Variants in PRKD1 observed in about 807,000 individuals in gnomAD.
The protein encoded by PRKD1 is protein kinase D1, also known as serine/threonine-protein kinase D1.
Under a neutral mutation model 95.9 loss-of-function variants are expected in PRKD1, and 63 were observed. That is an observed-to-expected ratio of 0.66 (90% confidence interval 0.54 to 0.81). The LOEUF is 0.81. PRKD1 is among the 30% of genes least tolerant of loss of function. The pLI is 0.00. For missense variants in PRKD1, 1,048 were observed against 1,165.3 expected, an observed-to-expected ratio of 0.90 and a Z score of 1.47; for synonymous variants, 425 against 423.1, an observed-to-expected ratio of 1.00 and a Z score of -0.05.
chr14:29,840,885 G>A (rs138254647), intron 1 of PRKD1, among the ~76,000 whole-genome samples: 1,887 of 152,310 alleles, frequency 0.012, 43 homozygotes, highest in African/African-American at 0.043. Flanking sequence ...CAACACGTGG[G>A]AATTCAAGAT....
intron 1 of PRKD1, among the ~76,000 whole-genome samples, chr14:29,776,810 CTCG>C (rs1888782092): frequency 6.6e-6 from 1 of 152,072 alleles, no homozygotes; most frequent in Non-Finnish European, 1.5e-5. Context: ...AAAGACAATC[CTCG>C]AGAAGAGCAA....
At chr14:29,706,145 T>C (rs1341840555) in intron 2 of PRKD1, among the ~76,000 whole-genome samples, 1 of 152,132 alleles carries the variant, frequency 6.6e-6, no homozygotes, top group African/African-American at 2.4e-5. Flanking sequence ...TCCTACTGGA[T>C]GTTAAATAGT....
chr14:29,699,407 AT>A (rs1324791213), intron 2 of PRKD1, among the ~76,000 whole-genome samples: 2 of 151,274 alleles, frequency 1.3e-5, no homozygotes, highest in Non-Finnish European at 2.9e-5. Context: ...GAGGTTGGCC[AT>A]TTTTTTTCAA....
At chr14:29,632,733 A>AG in intron 9 of PRKD1, 136 bp downstream of exon 9, 1 of 731,824 alleles carries the variant, frequency 1.4e-6, no homozygotes, top group Non-Finnish European at 2.2e-6. Flanking sequence ...ACTATAGAGA[A>AG]GAAAAAAAAA....
chr14:29,868,077 G>A (rs1014378149), intron 1 of PRKD1, among the ~76,000 whole-genome samples: 3 of 152,166 alleles, frequency 2.0e-5, no homozygotes, highest in Non-Finnish European at 4.4e-5. Flanking sequence ...ATTGCTCTGC[G>A]TAAGCTGTTC....
intron 1 of PRKD1, among the ~76,000 whole-genome samples, chr14:29,785,622 G>A (rs758545489): frequency 6.6e-5 from 10 of 151,248 alleles, no homozygotes; most frequent in Non-Finnish European, 1.3e-4. Context: ...AGTGAAAGTG[G>A]GCATCCCCAT....
At chr14:29,719,068 A>G (rs1885759868) in intron 2 of PRKD1, among the ~76,000 whole-genome samples, 1 of 152,092 alleles carries the variant, frequency 6.6e-6, no homozygotes, top group Non-Finnish European at 1.5e-5. Flanking sequence ...AAAAGAAAAA[A>G]GAAGCTTAAT....
chr14:29,744,849 A>T (rs577552370), intron 1 of PRKD1, among the ~76,000 whole-genome samples: 16 of 152,252 alleles, frequency 1.1e-4, no homozygotes, highest in African/African-American at 3.6e-4. Flanking sequence ...CCTGGCATGG[A>T]GTCATTCTTC....
At chr14:29,635,816 CA>C (rs1222804769) in intron 7 of PRKD1, among the ~76,000 whole-genome samples, 1 of 152,032 alleles carries the variant, frequency 6.6e-6, no homozygotes, top group Non-Finnish European at 1.5e-5. Flanking sequence ...ATCCAGTAAC[CA>C]AAAGCATAAT....
intron 1 of PRKD1, among the ~76,000 whole-genome samples, chr14:29,887,571 A>T (rs943569798): frequency 2.6e-5 from 4 of 152,248 alleles, no homozygotes; most frequent in African/African-American, 7.2e-5. Flanking sequence ...CCCTAAAATA[A>T]TTTTAAATCC....
At chr14:29,654,079 A>G (rs1016331242) in intron 4 of PRKD1, among the ~76,000 whole-genome samples, 3 of 152,008 alleles carry the variant, frequency 2.0e-5, no homozygotes, top group Non-Finnish European at 4.4e-5. Context: ...CTTTTGAATA[A>G]CTATTTTTTT....
chr14:29,737,083 G>A (rs1033060661), intron 1 of PRKD1, among the ~76,000 whole-genome samples: 11 of 151,922 alleles, frequency 7.2e-5, no homozygotes, highest in African/African-American at 1.2e-4. Flanking sequence ...AGCACTTTGG[G>A]AGGCCGAGGC....
chr14:29,877,144 G>A (rs557820375), intron 1 of PRKD1, among the ~76,000 whole-genome samples: 4 of 152,100 alleles, frequency 2.6e-5, no homozygotes, highest in Non-Finnish European at 4.4e-5. Flanking sequence ...AGAGCAAGAC[G>A]CAGTCTCAAA....
chr14:29,750,620 A>ACACACACG (rs1887436377), intron 1 of PRKD1, among the ~76,000 whole-genome samples: 4 of 128,102 alleles, frequency 3.1e-5, no homozygotes, highest in African/African-American at 1.2e-4. Context: ...ACGCGCGCAC[A>ACACACACG]CACACACACA....
chr14:29,925,615 C>A (rs1259127464), intron 1 of PRKD1, among the ~76,000 whole-genome samples: 2 of 152,156 alleles, frequency 1.3e-5, no homozygotes, highest in Non-Finnish European at 2.9e-5. Flanking sequence ...AGGCATCAGT[C>A]TCCCCATTCT....
chr14:29,601,138 A>C (rs1188864193), intron 13 of PRKD1, among the ~76,000 whole-genome samples: 1 of 152,210 alleles, frequency 6.6e-6, no homozygotes, highest in Admixed American at 6.5e-5. Context: ...CTCACTGCTC[A>C]GAAACCTCAC....
At chr14:29,597,312 C>T (rs1893343163) in intron 16 of PRKD1, among the ~76,000 whole-genome samples, 179 bp downstream of exon 16, 1 of 152,048 alleles carries the variant, frequency 6.6e-6, no homozygotes, top group Admixed American at 6.6e-5. Context: ...ATATATAACC[C>T]AATTTCTGTT....
At chr14:29,815,290 C>T (rs1485647452) in intron 1 of PRKD1, among the ~76,000 whole-genome samples, 1 of 152,182 alleles carries the variant, frequency 6.6e-6, no homozygotes, top group East Asian at 1.9e-4. Context: ...TCTTTCTATT[C>T]CTCTAGTAAA....
At chr14:29,776,001 C>T (rs927706331) in intron 1 of PRKD1, among the ~76,000 whole-genome samples, 1 of 152,164 alleles carries the variant, frequency 6.6e-6, no homozygotes, top group African/African-American at 2.4e-5. Flanking sequence ...ACTCGCTCTT[C>T]TGCAGCCTCC....
Sources: gnomAD v4.1 joint callset for allele counts (sites outside exome capture counted in the v4.1 genomes callset) on GRCh38, gnomAD v4.1.1 for gene constraint, MANE v1.5 for transcripts, NCBI Gene and HGNC (gene_info 2026-07-23, HGNC 2026-07-21) for gene names.